The following BTG3 variants were observed in gnomAD, a reference collection of about 807,000 sequenced individuals.
The protein encoded by BTG3 is protein BTG3.
Under a neutral mutation model 25.8 loss-of-function variants are expected in BTG3, and 4 were observed. That is an observed-to-expected ratio of 0.16 (90% CI 0.08 to 0.36). The LOEUF (loss-of-function observed/expected upper bound fraction) is 0.36, where lower values mean the gene tolerates loss of function less well. Among genes scored for constraint, BTG3 ranks in the 10% least tolerant of loss-of-function variants. The pLI, the probability that BTG3 is intolerant of heterozygous loss-of-function variation, is 1.00. For missense variants in BTG3, 201 were observed against 304.9 expected, an observed-to-expected ratio of 0.66 and a Z score of 2.54; for synonymous variants, 107 against 99.9, an observed-to-expected ratio of 1.07 and a Z score of -0.42.
chr21:17,604,148 AT>A lies in BTG3; in HGVS notation c.311+711del, dbSNP rs1202030118. ...GAAGTATCACTCAGTCACTTACATA[AT>A]CAAAAAGGAGGAGGCCGGGCGCAGT... On this transcript the variant is annotated intron_variant, in intron 3 of 4. Coordinates refer to ENST00000348354, the MANE Select transcript of BTG3 (RefSeq NM_006806.5). 7 of 1,282,570 alleles carry A rather than the reference AT, an allele frequency of 5.5e-6. No individual in the cohort carries two copies. In the African/African-American group the frequency reaches 6.3e-5, roughly 12 times the overall value. 79.4% of individuals were successfully genotyped at this position (1,282,570 alleles called of 1,614,324 possible).
At chr21:17,609,556 G>A (rs933101214) in intron 1 of BTG3, among the ~76,000 whole-genome samples, 1 of 152,152 alleles carries the variant, frequency 6.6e-6, no homozygotes, top group East Asian at 1.9e-4. Context: ...CATAAAAAAA[G>A]TCTACTTTAA....
intron 4 of BTG3, 52 bp from the exon 5 acceptor site, chr21:17,594,384 A>C (rs567409990): frequency 6.4e-7 from 1 of 1,551,214 alleles, no homozygotes; most frequent in Non-Finnish European, 8.7e-7. Flanking sequence ...ATCATCATCT[A>C]TGTTCCAGAT....
intron 3 of BTG3, among the ~76,000 whole-genome samples, 184 bp downstream of exon 3, chr21:17,604,676 A>C (rs1430782282): frequency 6.6e-6 from 1 of 152,190 alleles, no homozygotes; most frequent in East Asian, 1.9e-4. Flanking sequence ...TTCGGCTATA[A>C]AGCAGAAATC....
Position 17,602,984 on chromosome 21 carries a change from A to G in BTG3, c.311+1876T>C, listed in dbSNP as rs3792568. On this transcript the variant is annotated intron_variant, in intron 3 of 4. Transcript: ENST00000348354. The stretch of plus-strand genomic sequence containing the variant: ...GATAACATAATCGTGCTGATTTTTT[A>G]GCTTTTTCATTTTTGCCTCTATGTC... Among the ~76,000 whole-genome samples, 120 of 152,244 alleles carry G rather than the reference A, an allele frequency of 7.9e-4. 1 individual carries two copies. In the East Asian group the frequency reaches 0.02, roughly 25 times the overall value.
rs142200185 is a variant in BTG3, at chr21:17,604,895, G to A, written c.276C>T (p.Leu92=). The change falls in exon 3 of 5, where the codon CTC becomes CTT. Residue 92 remains leucine, a synonymous_variant. Transcript: ENST00000348354. ...CCTCACATGGGTCCACCCAGAGAGT[G>A]AGCTCCTTTGGCAAGCCCAGGTCAC... is the stretch of plus-strand genomic sequence containing the variant. ...LYSDLGLPKE[L]TLWVDPCEVC... The A allele has an allele frequency of 1.2e-4, 195 of 1,614,048 alleles. No individual in the cohort carries two copies. The highest frequency in any genetic ancestry group is 1.6e-4 in the Non-Finnish European group (184 of 1,180,030).
At chr21:17,606,118 A>T (rs185325011) in intron 2 of BTG3, among the ~76,000 whole-genome samples, 2 of 152,342 alleles carry the variant, frequency 1.3e-5, no homozygotes, top group East Asian at 1.9e-4. Context: ...TAAGCATTTT[A>T]AAAAATTTAT....
At chr21:17,605,371 G>C (rs890924595) in intron 2 of BTG3, among the ~76,000 whole-genome samples, 1 of 152,092 alleles carries the variant, frequency 6.6e-6, no homozygotes, top group African/African-American at 2.4e-5. Flanking sequence ...CTAACAAAAG[G>C]CCTCATCTAA....
chr21:17,604,250 G>A, intron 3 of BTG3: 1 of 412,940 alleles, frequency 2.4e-6, no homozygotes, highest in Non-Finnish European at 4.1e-6. Context: ...AGAGCAGTCT[G>A]GCCAACATGG....
intron 2 of BTG3, among the ~76,000 whole-genome samples, chr21:17,605,948 G>GT (rs1236148445): frequency 6.6e-6 from 1 of 152,088 alleles, no homozygotes; most frequent in Non-Finnish European, 1.5e-5. Flanking sequence ...TTGATGAATA[G>GT]TAATTACGCT....
At chr21:17,604,789 G>A (rs950131751) in intron 3 of BTG3, 71 bp downstream of exon 3, 14 of 1,529,774 alleles carry the variant, frequency 9.2e-6, no homozygotes, top group Admixed American at 7.7e-5. Context: ...CAGGCAGGCC[G>A]TACATGACAG....
At chr21:17,600,860 A>C (rs1464260951) in intron 3 of BTG3, among the ~76,000 whole-genome samples, 1 of 152,008 alleles carries the variant, frequency 6.6e-6, no homozygotes, top group Non-Finnish European at 1.5e-5. Flanking sequence ...TTTTTAGTTT[A>C]CCTCATAAAA....
At chr21:17,595,249 C>T (rs2061489749) in intron 4 of BTG3, among the ~76,000 whole-genome samples, 1 of 149,814 alleles carries the variant, frequency 6.7e-6, no homozygotes, top group Non-Finnish European at 1.5e-5. Context: ...AATGCCACAT[C>T]TTCTTAAATT....
intron 2 of BTG3, among the ~76,000 whole-genome samples, chr21:17,606,103 A>G (rs1241369458): frequency 6.6e-6 from 1 of 152,022 alleles, no homozygotes; most frequent in Non-Finnish European, 1.5e-5. Context: ...TAATATTAAC[A>G]ATAATAAGCA....
intron 4 of BTG3, among the ~76,000 whole-genome samples, chr21:17,595,513 T>C (rs984961330): frequency 1.3e-5 from 2 of 152,140 alleles, no homozygotes; most frequent in South Asian, 4.1e-4. Context: ...TTTAAAAATA[T>C]ATATGTATAC....
chr21:17,597,260 A>T (rs979977046), intron 4 of BTG3, among the ~76,000 whole-genome samples: 51 of 152,244 alleles, frequency 3.3e-4, no homozygotes, highest in Non-Finnish European at 1.8e-4. Context: ...AGCAGCAATC[A>T]ATTTAATTTG....
intron 3 of BTG3, chr21:17,604,088 G>A (rs780252764): frequency 1.5e-4 from 181 of 1,240,522 alleles, no homozygotes; most frequent in Non-Finnish European, 1.8e-4. Context: ...ATTAGGAGAT[G>A]TGAAAAATAA....
intron 4 of BTG3, among the ~76,000 whole-genome samples, 198 bp downstream of exon 4, chr21:17,598,419 T>C (rs2123436404): frequency 6.6e-6 from 1 of 152,302 alleles, no homozygotes; most frequent in African/African-American, 2.4e-5. Flanking sequence ...TATTGTATAG[T>C]GAAGCTGACC....
chr21:17,596,466 T>C (rs2061505169), intron 4 of BTG3, among the ~76,000 whole-genome samples: 1 of 152,076 alleles, frequency 6.6e-6, no homozygotes, highest in African/African-American at 2.4e-5. Flanking sequence ...TATTTTTGTG[T>C]ATGGTGTCAG....
intron 4 of BTG3, among the ~76,000 whole-genome samples, chr21:17,596,622 ACT>A (rs1289797308): frequency 6.6e-6 from 1 of 151,834 alleles, no homozygotes; most frequent in African/African-American, 2.4e-5. Flanking sequence ...CTACTTCTGG[ACT>A]CTCTATCCTG....
Sources: gnomAD v4.1 joint callset for allele counts (sites outside exome capture counted in the v4.1 genomes callset) on GRCh38, gnomAD v4.1.1 for gene constraint, MANE v1.5 for transcripts, NCBI Gene and HGNC (gene_info 2026-07-23, HGNC 2026-07-21) for gene names.